Variants in BIRC6 observed in about 807,000 individuals in gnomAD.
BIRC6 encodes baculoviral IAP repeat containing 6, also known as dual E2 ubiquitin-conjugating enzyme/E3 ubiquitin-protein ligase BIRC6.
A neutral mutation model predicts 503.3 loss-of-function variants in BIRC6; 98 were observed. That is an observed-to-expected ratio of 0.19 (90% CI 0.17 to 0.23). The LOEUF (loss-of-function observed/expected upper bound fraction) is 0.23, where lower values mean the gene tolerates loss of function less well. Among genes scored for constraint, BIRC6 ranks in the 10% least tolerant of loss-of-function variants. The pLI, the probability that BIRC6 is intolerant of heterozygous loss-of-function variation, is 1.00. For synonymous variants in BIRC6, 2,240 were observed against 2,078.7 expected (o/e 1.08, Z -2.11); for missense variants, 5,360 against 5,806.0 (o/e 0.92, Z 2.50).
At chr2:32,475,705 A>G (rs1216191299) in intron 33 of BIRC6, among the ~76,000 whole-genome samples, 1 of 152,122 alleles carries the variant, frequency 6.6e-6, no homozygotes, top group African/African-American at 2.4e-5. Flanking sequence ...TGTACAAGAG[A>G]TTTCTGTATT....
At chr2:32,553,384 C>CT (rs1352473226) in intron 65 of BIRC6, among the ~76,000 whole-genome samples, 1 of 151,312 alleles carries the variant, frequency 6.6e-6, no homozygotes, top group African/African-American at 2.4e-5. Context: ...TGAATGGAGA[C>CT]TTATTTTTTT....
intron 62 of BIRC6, 96 bp from the exon 63 acceptor site, chr2:32,545,547 T>C: frequency 1.0e-6 from 1 of 991,204 alleles, no homozygotes; most frequent in South Asian, 1.3e-5. Context: ...TATACTTTTG[T>C]ATTACAGTGT....
chr2:32,545,431 T>TCC (rs1299758794), intron 62 of BIRC6, among the ~76,000 whole-genome samples: 1 of 152,242 alleles, frequency 6.6e-6, no homozygotes, highest in East Asian at 1.9e-4. Context: ...TTTTGAGGTT[T>TCC]ATGTATACCG....
chr2:32,504,034 TTGTGTGTGTGTGTGTGTGTG>T (rs556051105), intron 49 of BIRC6, among the ~76,000 whole-genome samples: 2 of 78,228 alleles, frequency 2.6e-5, no homozygotes, highest in Non-Finnish European at 4.7e-5. Context: ...GGGGGGGTGT[TTGTGTGTGTGTGTGTGTGTG>T]TGTGTGTGTG....
In BIRC6 at chr2:32,471,018, A is replaced by G; in HGVS notation, c.6486A>G (p.Val2162=). Reference sequence around the variant, plus strand: ...TTTGCTGTCATCTCTCTCCAGGAGTACTAGATATTCCCATGATCAGTTGGG... The same window carrying G: ...TTTGCTGTCATCTCTCTCCAGGAGTGCTAGATATTCCCATGATCAGTTGGG... ...QLPMHRRTEG[V]LDIPMISWVV... is the part of the protein sequence containing the mutation. Residue 2162 remains valine (V), a synonymous_variant, in exon 32 of 74, where the codon GTA becomes GTG. Transcript: ENST00000421745. 1 of 1,567,202 alleles carries G rather than the reference A, an allele frequency of 6.4e-7. No individual in the cohort carries two copies. Among genetic ancestry groups the G allele is most frequent in the Non-Finnish European group, 8.7e-7 (1 of 1,153,786 alleles).
intron 68 of BIRC6, among the ~76,000 whole-genome samples, chr2:32,595,544 T>C (rs771077899): frequency 7.2e-5 from 11 of 152,210 alleles, no homozygotes; most frequent in Non-Finnish European, 1.3e-4. Context: ...TAGTTATACA[T>C]AGTTCAGTTC....
rs376447156 is a variant in BIRC6 at position 32,543,233 on chromosome 2, T to C, written c.12292-8T>C. The C allele has an allele frequency of 6.2e-6, 10 of 1,609,620 alleles. No individual in the cohort carries two copies. The highest frequency in any genetic ancestry group is 8.5e-6 in the Non-Finnish European group (10 of 1,176,752). On this transcript the variant is annotated splice_region_variant and splice_polypyrimidine_tract_variant and intron_variant, in intron 61 of 73. Transcript: ENST00000421745. ...AATGGCCAAGCCAACACTTTTCTTT[T>C]TCTTTAGGTGAGTGCTCCAGTTGTA...
intron 22 of BIRC6, among the ~76,000 whole-genome samples, chr2:32,452,791 CATAGAAT>C (rs887962560): frequency 6.6e-6 from 1 of 152,074 alleles, no homozygotes; most frequent in Non-Finnish European, 1.5e-5. Context: ...TAACCACTAA[CATAGAAT>C]ATAGTCTTCG....
intron 9 of BIRC6, among the ~76,000 whole-genome samples, chr2:32,406,773 A>C (rs1442360044): frequency 1.3e-5 from 2 of 152,208 alleles, no homozygotes; most frequent in Non-Finnish European, 2.9e-5. Flanking sequence ...TATTTGAGCC[A>C]AAGGAATTAC....
At chr2:32,457,745 CTT>C (rs1313937302) in intron 23 of BIRC6, among the ~76,000 whole-genome samples, 1 of 152,024 alleles carries the variant, frequency 6.6e-6, no homozygotes, top group Admixed American at 6.6e-5. Flanking sequence ...GAAAAATACT[CTT>C]AAGATCTCTT....
At chr2:32,375,297 G>T (rs766511567) in intron 1 of BIRC6, among the ~76,000 whole-genome samples, 3 of 151,974 alleles carry the variant, frequency 2.0e-5, no homozygotes, top group African/African-American at 4.8e-5. Context: ...TATTGAATAG[G>T]AATGGTAAGA....
At chr2:32,603,150 T>C (rs1487475065) in intron 71 of BIRC6, 67 bp downstream of exon 71, 2 of 1,235,608 alleles carry the variant, frequency 1.6e-6, no homozygotes, top group Non-Finnish European at 2.3e-6. Flanking sequence ...TAAAAAATTT[T>C]TAGTGACCAA....
chr2:32,532,220 C>G (rs1476293650), intron 61 of BIRC6: 4 of 526,278 alleles, frequency 7.6e-6, no homozygotes, highest in African/African-American at 6.0e-5. Context: ...TCCTGAGCTG[C>G]TGTACCAAAA....
chr2:32,566,663 T>G (rs2059554546), intron 65 of BIRC6, among the ~76,000 whole-genome samples: 1 of 152,212 alleles, frequency 6.6e-6, no homozygotes, highest in Non-Finnish European at 1.5e-5. Flanking sequence ...CACATATTTT[T>G]TTAATTGACA....
intron 61 of BIRC6, among the ~76,000 whole-genome samples, chr2:32,539,413 T>C (rs538481956): frequency 6.0e-4 from 91 of 152,310 alleles, no homozygotes; most frequent in African/African-American, 2.0e-3. Context: ...CAAAGAAAGA[T>C]AGACAGTATG....
intron 53 of BIRC6, among the ~76,000 whole-genome samples, chr2:32,511,004 A>G (rs904017142): frequency 8.5e-5 from 13 of 152,126 alleles, no homozygotes; most frequent in Non-Finnish European, 1.3e-4. Flanking sequence ...GAATGTAGGG[A>G]TATTGTGTCT....
At chr2:32,602,232 A>G (rs541331063) in intron 70 of BIRC6, among the ~76,000 whole-genome samples, 1 of 152,246 alleles carries the variant, frequency 6.6e-6, no homozygotes, top group African/African-American at 2.4e-5. Context: ...TTGGTTATAC[A>G]CAGTGGAATA....
At chr2:32,453,307 A>G (rs981217194) in intron 22 of BIRC6, among the ~76,000 whole-genome samples, 2 of 152,184 alleles carry the variant, frequency 1.3e-5, no homozygotes, top group Non-Finnish European at 2.9e-5. Context: ...TATGAACAAA[A>G]TACAAGAAAC....
chr2:32,602,374 T>TA (rs1422899396), intron 70 of BIRC6: 4 of 152,036 alleles, frequency 2.6e-5, no homozygotes, highest in African/African-American at 9.7e-5. Flanking sequence ...ACGTAGAAGC[T>TA]AAAAAAATTG....
Sources: allele counts gnomAD v4.1 joint callset (sites outside exome capture counted in the v4.1 genomes callset), GRCh38; gene constraint gnomAD v4.1.1; transcripts MANE v1.5; gene names NCBI Gene and HGNC (gene_info 2026-07-23, HGNC 2026-07-21).